SIDT2: variants seen among roughly 807,000 people sequenced by gnomAD.
The protein encoded by SIDT2 is SID1 transmembrane family member 2.
Under a neutral mutation model 114.4 loss-of-function variants are expected in SIDT2, and 68 were observed. The ratio of observed to expected loss-of-function variants is 0.59; its 90% CI spans 0.49 to 0.73. SIDT2 has a LOEUF of 0.73. SIDT2 is among the 30% of genes least tolerant of loss of function. The pLI is 0.00. For missense variants in SIDT2, 918 were observed against 1,097.1 expected, an observed-to-expected ratio of 0.84 and a Z score of 2.31; for synonymous variants, 470 against 438.4, an observed-to-expected ratio of 1.07 and a Z score of -0.90.
intron 2 of SIDT2, 105 bp from the exon 3 acceptor site, chr11:117,181,702 G>A: frequency 6.3e-7 from 1 of 1,578,568 alleles, no homozygotes; most frequent in Non-Finnish European, 8.6e-7. Flanking sequence ...GCACCTCGCA[G>A]GGAGGTGGTG....
rs758402494 is a variant in SIDT2, at chr11:117,190,775, A to G, written c.1735+35A>G. The G allele has an allele frequency of 2.6e-6, 4 of 1,538,964 alleles. No homozygotes were observed. The highest frequency in any genetic ancestry group is 3.6e-6 in the Non-Finnish European group (4 of 1,111,690). On this transcript the variant is annotated intron_variant, in intron 18 of 25. Coordinates refer to ENST00000324225, the MANE Select transcript of SIDT2 (RefSeq NM_001040455.2). This position sits in a 1 kb window ranked among gnomAD's most constrained non-coding sequence, Gnocchi z 4.1. ...GCGTCCTTCTTTTCTGGCTCAACCT[A>G]CAGCAGGGACCTGCCTGAGTCCTTC... is the stretch of plus-strand genomic sequence containing the variant.
chr11:117,193,407 C>T, intron 23 of SIDT2, 149 bp downstream of exon 23: 1 of 734,982 alleles, frequency 1.4e-6, no homozygotes, highest in South Asian at 1.7e-5. Context: ...TGCATGGGCC[C>T]CTGGGAGCCA....
In SIDT2 at chr11:117,194,016, T is replaced by C; in HGVS notation, c.2322+53T>C. ...GAGCCAACAAGTGGCCAGTCCTCTTTTTAAACATTGGGGCTGAGCCTGGGA... is the reference window on the plus strand; with the variant it reads ...GAGCCAACAAGTGGCCAGTCCTCTTCTTAAACATTGGGGCTGAGCCTGGGA... On this transcript the variant is annotated intron_variant, in intron 24 of 25. Transcript: ENST00000324225. 3 of 1,408,526 alleles carry C rather than the reference T, an allele frequency of 2.1e-6. No homozygotes were observed. The South Asian group carries it at 3.5e-5, about 16-fold the overall frequency. 87.3% of individuals were successfully genotyped at this position (1,408,526 alleles called of 1,614,324 possible). A position where few individuals can be genotyped will look rare whatever the true frequency, so the allele number is the denominator to read the frequency against.
chr11:117,189,573 G>A (rs1165830099), intron 15 of SIDT2, 172 bp downstream of exon 15: 2 of 678,216 alleles, frequency 2.9e-6, no homozygotes, highest in Non-Finnish European at 5.0e-6. Context: ...CCAACCCTGA[G>A]TGTCAGTTTC....
Position 117,196,230 on chromosome 11 carries a change from GGGT to G in SIDT2, c.*167_*169del, listed in dbSNP as rs2030892916. ...TTAGGCTTGGCCTGGGACAGCCATGGGGTGGCATGGAACCTTGCAGCTGCCCTC... is the reference window on the plus strand; with the variant it reads ...TTAGGCTTGGCCTGGGACAGCCATGGGGCATGGAACCTTGCAGCTGCCCTC... On this transcript the variant is annotated 3_prime_UTR_variant, in exon 26 of 26. Transcript: ENST00000324225. The surrounding 1 kb of genome is among the most constrained non-coding windows in gnomAD (Gnocchi z 4.9). 5.5e-6 allele frequency: 5 copies of G among 910,696 alleles called. No homozygotes were observed. In the East Asian group the frequency reaches 1.1e-4, roughly 19 times the overall value. 56.4% of individuals were successfully genotyped at this position (910,696 alleles called of 1,614,324 possible).
chr11:117,181,134 G>A (rs536695729), intron 1 of SIDT2, among the ~76,000 whole-genome samples: 5 of 152,168 alleles, frequency 3.3e-5, no homozygotes, highest in East Asian at 1.9e-4. Flanking sequence ...CTGGAGACTC[G>A]CAAGGCCTCC....
chr11:117,187,334 T>C, intron 10 of SIDT2, 44 bp from the exon 11 acceptor site: 1 of 1,574,314 alleles, frequency 6.4e-7, no homozygotes, highest in Non-Finnish European at 8.7e-7. Context: ...GCTCTAGGCC[T>C]CTCTCTTCGT....
At chr11:117,181,739 T>G in intron 2 of SIDT2, 68 bp from the exon 3 acceptor site, 1 of 1,605,766 alleles carries the variant, frequency 6.2e-7, no homozygotes, top group Non-Finnish European at 8.5e-7. Context: ...AGGTGGGGCC[T>G]CGCTCCTCTG....
rs34117588 is a variant in SIDT2, at chr11:117,185,871, CAAAAAAA to C, written c.869-241_869-235del. 28 of 180,718 alleles carry C rather than the reference CAAAAAAA, an allele frequency of 1.5e-4. No individual in the cohort carries two copies. The African/African-American group carries it at 1.8e-3, about 11-fold the overall frequency. 11.2% of individuals were successfully genotyped at this position (180,718 alleles called of 1,614,324 possible). A position where few individuals can be genotyped will look rare whatever the true frequency, so the allele number is the denominator to read the frequency against. On this transcript the variant is annotated intron_variant, in intron 8 of 25. Transcript: ENST00000324225. ...CATGGGTAACAGAGTGAGCCCGTCTCAAAAAAAAAAAAAAAAAAAAAAAAGTAGAAGA... is the reference window on the plus strand; with the variant it reads ...CATGGGTAACAGAGTGAGCCCGTCTCAAAAAAAAAAAAAAAAAGTAGAAGA...
chr11:117,181,509 T>C lies in SIDT2; in HGVS notation c.277T>C (p.Phe93Leu), dbSNP rs759272095. 18 of 1,613,930 alleles carry C rather than the reference T, an allele frequency of 1.1e-5. No individual in the cohort carries two copies. The highest frequency in any genetic ancestry group is 1.4e-5 in the Non-Finnish European group (17 of 1,179,970). ...CCGCCAGAAGGAGGCTGTGGTGTCC[T>C]TCCAGGTGCCCCTAATCCTGCGAGG... ...VVRQKEAVVS[F>L]QVPLILRGMF... The change falls in exon 2 of 26, where the codon TTC becomes CTC. Residue 93 changes from phenylalanine (F) to leucine (L), a missense_variant. Transcript: ENST00000324225.
At chr11:117,183,497 G>T (rs573422645) in intron 6 of SIDT2, among the ~76,000 whole-genome samples, 2 of 152,240 alleles carry the variant, frequency 1.3e-5, no homozygotes, top group African/African-American at 4.8e-5. Flanking sequence ...AATTAGCTGG[G>T]CGTGGTGATG....
chr11:117,192,787 G>T lies in SIDT2; in HGVS notation c.2059-33G>T. The T allele has an allele frequency of 6.2e-7, 1 of 1,614,004 alleles. No individual in the cohort carries two copies. Among genetic ancestry groups the T allele is most frequent in the Non-Finnish European group, 8.5e-7 (1 of 1,179,976 alleles). Reference sequence around the variant, plus strand: ...TTCTTCCACCACCCTCCCTGCCCCTGCCCTCAGTCCCTGTGTCCCTGCTTC... The same window carrying T: ...TTCTTCCACCACCCTCCCTGCCCCTTCCCTCAGTCCCTGTGTCCCTGCTTC... On this transcript the variant is annotated intron_variant, in intron 21 of 25. Coordinates refer to ENST00000324225, the MANE Select transcript of SIDT2 (RefSeq NM_001040455.2). The surrounding 1 kb of genome is among the most constrained non-coding windows in gnomAD (Gnocchi z 5.9).
Position 117,197,313 on chromosome 11 carries a change from T to C in SIDT2, c.*1247T>C, listed in dbSNP as rs1342749316. 1.3e-5 allele frequency: 2 copies of C among 152,774 alleles called. No individual in the cohort carries two copies. Among genetic ancestry groups the C allele is most frequent in the East Asian group, 3.9e-4 (2 of 5,178 alleles). 9.5% of individuals were successfully genotyped at this position (152,774 alleles called of 1,614,324 possible). ...TGGGAATGTGTTTTTCTCCCAAACT[T>C]GTTTTTATAGCTCTGCTTGAAGGGC... On this transcript the variant is annotated 3_prime_UTR_variant, in exon 26 of 26. Transcript: ENST00000324225.
At chr11:117,189,012 C>T (rs2030603946) in intron 13 of SIDT2, 157 bp from the exon 14 acceptor site, 3 of 987,010 alleles carry the variant, frequency 3.0e-6, no homozygotes, top group South Asian at 2.9e-5. Context: ...TGGCCAAACC[C>T]TCTTGGTCTA....
chr11:117,187,311 GTTC>G (rs1420338163), intron 10 of SIDT2, 64 bp from the exon 11 acceptor site: 1 of 1,478,218 alleles, frequency 6.8e-7, no homozygotes, highest in Non-Finnish European at 9.5e-7. Flanking sequence ...ACCTTTCTTT[GTTC>G]TTCTCCCTGG....
At chr11:117,181,370 T>G (rs958716490) in intron 1 of SIDT2, 46 bp from the exon 2 acceptor site, 1 of 1,610,436 alleles carries the variant, frequency 6.2e-7, no homozygotes. Context: ...GAGCCACGTG[T>G]CCCTGGTGGC....
Position 117,182,070 on chromosome 11 carries a change from C to A in SIDT2, c.481C>A (p.Gln161Lys). 1 of 1,614,096 alleles carries A rather than the reference C, an allele frequency of 6.2e-7. No homozygotes were observed. The highest frequency in any genetic ancestry group is 8.5e-7 in the Non-Finnish European group (1 of 1,180,012). Reference sequence around the variant, plus strand: ...TTCTCTGCCCTGCAGGACTGGGGAGCAGTTCAGCTTCAATACCACAGCAGC... The same window carrying A: ...TTCTCTGCCCTGCAGGACTGGGGAGAAGTTCAGCTTCAATACCACAGCAGC... ...MDDFVLRTGE[Q>K]FSFNTTAAQP... is the part of the protein sequence containing the mutation. Residue 161 changes from glutamine to lysine, a missense_variant, in exon 4 of 26, where the codon CAG becomes AAG. By Grantham distance (53) the Gln-to-Lys change is moderately conservative. This residue lies in a region of SIDT2 where 553 missense variants were observed against 600.1 expected (regional missense o/e 0.92). Coordinates refer to ENST00000324225, the MANE Select transcript of SIDT2 (RefSeq NM_001040455.2).
In SIDT2 at chr11:117,190,085, G is replaced by A. The variant is rs1426369767; in HGVS notation, c.1493+60G>A. The A allele has an allele frequency of 1.2e-6, 2 of 1,613,898 alleles. No homozygotes were observed. Reference sequence around the variant, plus strand: ...CAAGGGTGAAATGGGGCAGGGCCTGGGGCTTTGCAATGCCCACGTGGGCTA... The same window carrying A: ...CAAGGGTGAAATGGGGCAGGGCCTGAGGCTTTGCAATGCCCACGTGGGCTA... On this transcript the variant is annotated intron_variant, in intron 16 of 25. Coordinates refer to ENST00000324225, the MANE Select transcript of SIDT2 (RefSeq NM_001040455.2). This position sits in a 1 kb window ranked among gnomAD's most constrained non-coding sequence, Gnocchi z 4.1.
At chr11:117,193,680 T>G (rs1002385247) in intron 23 of SIDT2, among the ~76,000 whole-genome samples, 173 bp from the exon 24 acceptor site, 4 of 151,622 alleles carry the variant, frequency 2.6e-5, no homozygotes, top group Non-Finnish European at 2.9e-5. Flanking sequence ...GGGGTGGACA[T>G]CGGGGTGGGG....
Sources: allele counts gnomAD v4.1 joint callset (sites outside exome capture counted in the v4.1 genomes callset), GRCh38; gene constraint gnomAD v4.1.1; regional missense constraint gnomAD v4.1.1; non-coding constraint Gnocchi (gnomAD v3.1); transcripts MANE v1.5; gene names NCBI Gene and HGNC (gene_info 2026-07-23, HGNC 2026-07-21).